Variants in ANXA11 observed in about 807,000 individuals in gnomAD.
ANXA11 encodes the protein annexin A11, also known as 56 kDa autoantigen.
A neutral mutation model predicts 64.7 loss-of-function variants in ANXA11; 57 were observed. The ratio of observed to expected loss-of-function variants is 0.88; its 90% CI spans 0.71 to 1.10. The LOEUF (loss-of-function observed/expected upper bound fraction) is 1.10. Among genes scored for constraint, ANXA11 ranks in the 50% least tolerant of loss-of-function variants. The probability of loss-of-function intolerance (pLI) is 0.00; values close to 1 mark genes in which losing one functional copy is unlikely to be tolerated. For missense variants in ANXA11, 675 were observed against 670.7 expected, an observed-to-expected ratio of 1.01 and a Z score of -0.07; for synonymous variants, 260 against 265.2, an observed-to-expected ratio of 0.98 and a Z score of 0.19.
intron 1 of ANXA11, among the ~76,000 whole-genome samples, chr10:80,194,639 C>T (rs2819944): frequency 0.063 from 9,598 of 152,190 alleles, 311 homozygotes; most frequent in Middle Eastern, 0.095. Flanking sequence ...CTCCCAGCCT[C>T]GTCTACCTCA....
At chr10:80,160,387 C>G (rs11201923) in intron 12 of ANXA11, among the ~76,000 whole-genome samples, 10,496 of 152,246 alleles carry the variant, frequency 0.069, 490 homozygotes, top group East Asian at 0.24. Flanking sequence ...AGCTGTGCAC[C>G]CCTACTTCCT....
chr10:80,158,734 T>C (rs2132363809), intron 13 of ANXA11, among the ~76,000 whole-genome samples: 2 of 152,290 alleles, frequency 1.3e-5, no homozygotes, highest in South Asian at 4.1e-4. Context: ...TCCACGTGTT[T>C]CCATCACAAA....
intron 3 of ANXA11, chr10:80,171,287 A>G (rs1444395068): frequency 9.3e-6 from 10 of 1,072,368 alleles, no homozygotes; most frequent in Non-Finnish European, 1.1e-5. Context: ...CCCATGACAG[A>G]GGTGACCATA....
At chr10:80,158,051 C>T (rs529351077) in intron 13 of ANXA11, 26 bp from the exon 14 acceptor site, 1 of 1,611,264 alleles carries the variant, frequency 6.2e-7, no homozygotes, top group Non-Finnish European at 8.5e-7. Context: ...TCGGCATAAC[C>T]AGATCTGCAG....
Position 80,161,967 on chromosome 10 carries a change from A to C in ANXA11, c.1148T>G (p.Leu383Arg). Reference sequence around the variant, plus strand: ...CAGGTGGGCCCGGCTCCGGGAGCACAGAACCGCATTGAACTTGGACTCGTC... The same window carrying C: ...CAGGTGGGCCCGGCTCCGGGAGCACCGAACCGCATTGAACTTGGACTCGTC... ...GTDESKFNAV[L>R]CSRSRAHLVA... is the part of the protein sequence containing the mutation. The change falls in exon 12 of 16, where the codon CTG (leucine) becomes CGG (arginine). Residue 383 changes from leucine to arginine, a missense_variant. Coordinates refer to ENST00000422982, the MANE Select transcript of ANXA11 (RefSeq NM_145868.2). 1.2e-6 allele frequency: 2 copies of C among 1,612,686 alleles called. No individual in the cohort carries two copies. Among genetic ancestry groups the C allele is most frequent in the Non-Finnish European group, 1.7e-6 (2 of 1,179,712 alleles).
At chr10:80,187,528 C>T (rs77782257) in intron 1 of ANXA11, among the ~76,000 whole-genome samples, 10,945 of 151,330 alleles carry the variant, frequency 0.072, 593 homozygotes, top group African/African-American at 0.14. Flanking sequence ...TAAGGATGCA[C>T]GCGCATGTGC....
At position 80,154,103 on chromosome 10, in the gene ANXA11, A is replaced by AT. The variant is rs11392466; in HGVS notation, c.*1749dup. ...GGGAATGCACTACAATGCCAGGTAA[A>AT]TTTTTTTTTTTTTTTGAGACAGAGT... On this transcript the variant is annotated 3_prime_UTR_variant, in exon 16 of 16. Coordinates refer to ENST00000422982, the MANE Select transcript of ANXA11 (RefSeq NM_145868.2). The AT allele has an allele frequency of 0.86, 123,477 of 144,336 alleles. 52,893 individuals are homozygous for AT. The highest frequency in any genetic ancestry group is 0.98 in the East Asian group (4,808 of 4,906). The allele number at this position is 144,336 out of a possible 1,614,324, so 8.9% of individuals were successfully genotyped here.
intron 1 of ANXA11, among the ~76,000 whole-genome samples, chr10:80,185,058 T>C (rs1408151932): frequency 6.6e-6 from 1 of 152,222 alleles, no homozygotes; most frequent in Non-Finnish European, 1.5e-5. Context: ...AGGAACAGCA[T>C]AATAAACACT....
At position 80,156,599 on chromosome 10, in the gene ANXA11, T is replaced by G. The variant is rs12779139; in HGVS notation, c.1459-687A>C. On this transcript the variant is annotated intron_variant, in intron 15 of 15. Transcript: ENST00000422982. Reference sequence around the variant, plus strand: ...CGTGATCCCAGCTCACTGCAACCTCTGTCTCCCGGGTTCAAGCAATTCTCC... The same window carrying G: ...CGTGATCCCAGCTCACTGCAACCTCGGTCTCCCGGGTTCAAGCAATTCTCC... The G allele has an allele frequency of 8.0e-6, 3 of 376,948 alleles. 1 individual carries two copies. The highest frequency in any genetic ancestry group is 6.1e-4 in the Middle Eastern group (1 of 1,634). 23.4% of individuals were successfully genotyped at this position (376,948 alleles called of 1,614,324 possible). A position where few individuals can be genotyped will look rare whatever the true frequency, so the allele number is the denominator to read the frequency against.
chr10:80,162,122 G>C, intron 11 of ANXA11, 94 bp from the exon 12 acceptor site: 1 of 1,101,390 alleles, frequency 9.1e-7, no homozygotes, highest in Non-Finnish European at 1.3e-6. Context: ...CTGAAGGTTT[G>C]AGCCTAAAGT....
intron 8 of ANXA11, among the ~76,000 whole-genome samples, chr10:80,165,481 T>G (rs1314333249): frequency 6.6e-6 from 1 of 152,158 alleles, no homozygotes; most frequent in African/African-American, 2.4e-5. Flanking sequence ...TTGGAGACCC[T>G]GCTGGTCTCT....
chr10:80,155,734 G>T lies in ANXA11; in HGVS notation c.*119C>A. ...CAGGAGGGGTGGAAGACAGGCCTAAGCTCTAGGACGGTGAATCTCGGGGCT... is the reference window on the plus strand; with the variant it reads ...CAGGAGGGGTGGAAGACAGGCCTAATCTCTAGGACGGTGAATCTCGGGGCT... On this transcript the variant is annotated 3_prime_UTR_variant, in exon 16 of 16. Coordinates refer to ENST00000422982, the MANE Select transcript of ANXA11 (RefSeq NM_145868.2). 1 of 1,028,150 alleles carries T rather than the reference G, an allele frequency of 9.7e-7. No homozygotes were observed. The highest frequency in any genetic ancestry group is 1.5e-6 in the Non-Finnish European group (1 of 663,680). The allele number at this position is 1,028,150 out of a possible 1,614,324, so 63.7% of individuals were successfully genotyped here.
Position 80,198,750 on chromosome 10 carries a change from TGAGA to T in ANXA11, c.-58+6589_-58+6592del, listed in dbSNP as rs56344170. Among the ~76,000 whole-genome samples the T allele has an allele frequency of 2.4e-4, 36 of 147,654 alleles. 1 individual carries two copies. Among genetic ancestry groups the T allele is most frequent in the Non-Finnish European group, 4.1e-4 (27 of 66,392 alleles). ...TTTCAAGAAAGAGTGAGAGAGTGAG[TGAGA>T]GAGAGAGAGAGAGAGAGACGGGGCT... On this transcript the variant is annotated intron_variant, in intron 1 of 15. Transcript: ENST00000422982.
intron 1 of ANXA11, among the ~76,000 whole-genome samples, chr10:80,184,583 G>C (rs1292984139): frequency 2.0e-5 from 3 of 152,132 alleles, no homozygotes; most frequent in African/African-American, 2.4e-5. Flanking sequence ...ACGAGAGAGA[G>C]AGACAGACAG....
intron 1 of ANXA11, among the ~76,000 whole-genome samples, chr10:80,177,845 T>C (rs1846224457): frequency 6.6e-6 from 1 of 152,106 alleles, no homozygotes; most frequent in African/African-American, 2.4e-5. Context: ...AGGGGTGACC[T>C]TCAGGTGGAC....
chr10:80,189,352 A>G (rs1846673418), intron 1 of ANXA11, among the ~76,000 whole-genome samples: 1 of 152,254 alleles, frequency 6.6e-6, no homozygotes, highest in Non-Finnish European at 1.5e-5. Context: ...AGACAAAGAC[A>G]CAACCCTGCC....
intron 1 of ANXA11, among the ~76,000 whole-genome samples, chr10:80,195,536 C>T (rs1313003076): frequency 6.6e-6 from 1 of 152,196 alleles, no homozygotes; most frequent in African/African-American, 2.4e-5. Flanking sequence ...TGTCCTTAGC[C>T]CAGCCCAGCT....
At position 80,163,438 on chromosome 10, in the gene ANXA11, TCCTTC is replaced by T. The variant is rs751929864; in HGVS notation, c.1030-38_1030-34del. ...GAAGCAGGTGTATGGTCATGCCCAC[TCCTTC>T]CCCATTTATTTTCCCTTTCCTCATT... On this transcript the variant is annotated intron_variant, in intron 10 of 15. Coordinates refer to ENST00000422982, the MANE Select transcript of ANXA11 (RefSeq NM_145868.2). 9.9e-6 allele frequency: 16 copies of T among 1,614,012 alleles called. No individual in the cohort carries two copies. In the East Asian group the frequency reaches 3.3e-4, roughly 34 times the overall value.
chr10:80,170,807 G>A lies in ANXA11; in HGVS notation c.164C>T (p.Ser55Leu), dbSNP rs1416413633. 14 of 1,481,510 alleles carry A rather than the reference G, an allele frequency of 9.4e-6. No individual in the cohort carries two copies. The highest frequency in any genetic ancestry group is 4.9e-5 in the East Asian group (2 of 40,850). 91.8% of individuals were successfully genotyped at this position (1,481,510 alleles called of 1,614,324 possible). A position where few individuals can be genotyped will look rare whatever the true frequency, so the allele number is the denominator to read the frequency against. ...CAGGAGAGCTGGACTCACCATTCCC[G>A]AGAGATAGTCCTGGTTGAACTGCCC... ...YAGQFNQDYL[S>L]GMAANMSGTF... The change falls in exon 4 of 16, where the codon TCG becomes TTG. Residue 55 changes from serine (S) to leucine (L), a missense_variant. Coordinates refer to ENST00000422982, the MANE Select transcript of ANXA11 (RefSeq NM_145868.2).
Sources: allele counts gnomAD v4.1 joint callset (sites outside exome capture counted in the v4.1 genomes callset), GRCh38; gene constraint gnomAD v4.1.1; transcripts MANE v1.5; gene names NCBI Gene and HGNC (gene_info 2026-07-23, HGNC 2026-07-21).